NFRKB: variants seen among roughly 807,000 people sequenced by gnomAD.
The protein encoded by NFRKB is nuclear factor related to kappa-B-binding protein.
A neutral mutation model predicts 135.7 loss-of-function variants in NFRKB; 62 were observed. The observed-to-expected ratio is 0.46, with a 90% CI of 0.37 to 0.56. The LOEUF is 0.56. Ranked by LOEUF, NFRKB falls within the 20% of genes least tolerant of loss-of-function variation. NFRKB has a pLI of 0.00. For missense variants in NFRKB, 1,545 were observed against 1,662.0 expected (o/e 0.93, Z 1.22); for synonymous variants, 678 against 635.6 (o/e 1.07, Z -1.00).
intron 4 of NFRKB, chr11:129,888,294 A>ACC (rs1437485910): frequency 3.4e-6 from 2 of 596,572 alleles, no homozygotes. Context: ...TTTTTTAAAG[A>ACC]CCAGACATGA....
rs1949119966 is a variant in NFRKB, at chr11:129,883,337, G to C, written c.817-131C>G. 4 of 663,928 alleles carry C rather than the reference G, an allele frequency of 6.0e-6. No homozygotes were observed. The African/African-American group carries it at 7.2e-5, about 12-fold the overall frequency. The allele number at this position is 663,928 out of a possible 1,614,324, so 41.1% of individuals were successfully genotyped here. ...AATCACATTGAGTCAAAAATATAGA[G>C]AGATAAAACTATTCATTTTTTCCCT... On this transcript the variant is annotated intron_variant, in intron 8 of 26. Transcript: ENST00000682444.
intron 23 of NFRKB, among the ~76,000 whole-genome samples, chr11:129,872,275 T>C (rs1948548241): frequency 6.6e-6 from 1 of 151,984 alleles, no homozygotes; most frequent in South Asian, 2.1e-4. Context: ...TACCATTAAA[T>C]CTCCAATACT....
intron 3 of NFRKB, among the ~76,000 whole-genome samples, 169 bp downstream of exon 3, chr11:129,892,546 T>C (rs1220801784): frequency 2.6e-5 from 4 of 152,134 alleles, no homozygotes; most frequent in Non-Finnish European, 4.4e-5. Flanking sequence ...AATCGGATAT[T>C]AAATAGACTC....
In NFRKB at chr11:129,883,141, G is replaced by A. The variant is rs1949110342; in HGVS notation, c.882C>T (p.Gly294=). The change falls in exon 9 of 27, where the codon GGC becomes GGT. Residue 294 remains glycine, a synonymous_variant. Coordinates refer to ENST00000682444, the MANE Select transcript of NFRKB (RefSeq NM_001143835.2). ...ATTTACCTGCCAGAGAGCCCTTCCT[G>A]CCAGCATTTACTCGAGTCATGATGT... ...LNDIMTRVNA[G]RKGSLAALYD... is the part of the protein sequence containing the mutation. 4 of 1,614,056 alleles carry A rather than the reference G, an allele frequency of 2.5e-6. No homozygotes were observed. The South Asian group carries it at 3.3e-5, about 13-fold the overall frequency.
chr11:129,892,831 T>G lies in NFRKB; in HGVS notation c.19A>C (p.Met7Leu). Residue 7 changes from methionine (M) to leucine (L), a missense_variant, in exon 3 of 27, where the codon ATG becomes CTG. Met to Leu is a conservative substitution (Grantham distance 15, BLOSUM62 2). This residue lies in a region of NFRKB where 678 missense variants were observed against 646.7 expected (regional missense o/e 1.05). Coordinates refer to ENST00000682444, the MANE Select transcript of NFRKB (RefSeq NM_001143835.2). ...CCAAGTTCCAGAGGATCTGTCAGCATATGGTCTAAGGAATCCATTGTTTCT... is the reference window on the plus strand; with the variant it reads ...CCAAGTTCCAGAGGATCTGTCAGCAGATGGTCTAAGGAATCCATTGTTTCT... MDSLDH[M>L]LTDPLELGPC... 1 of 1,614,202 alleles carries G rather than the reference T, an allele frequency of 6.2e-7. No homozygotes were observed. Among genetic ancestry groups the G allele is most frequent in the Admixed American group, 1.7e-5 (1 of 60,022 alleles).
At chr11:129,884,029 C>A (rs760448054) in intron 8 of NFRKB, 41 bp downstream of exon 8, 7 of 1,605,212 alleles carry the variant, frequency 4.4e-6, no homozygotes, top group Non-Finnish European at 6.0e-6. Context: ...CCTGAGACAT[C>A]AGGCTGAAAA....
intron 4 of NFRKB, among the ~76,000 whole-genome samples, chr11:129,888,028 C>G (rs1949363358): frequency 6.7e-6 from 1 of 148,830 alleles, no homozygotes; most frequent in Admixed American, 6.6e-5. Context: ...CACAGCGAGA[C>G]TCTGTCCCAA....
rs1474523341 is a variant in NFRKB, at chr11:129,867,569, G to A, written c.3532-1586C>T. 4.6e-5 allele frequency among the ~76,000 whole-genome samples: 7 copies of A among 152,100 alleles called. No individual in the cohort carries two copies. The East Asian group carries it at 1.4e-3, about 29-fold the overall frequency. Reference sequence around the variant, plus strand: ...TGACCTCAGGTGATCTGCCCACCTCGGCCTCCCAAAGTGCTGGGATTACAG... The same window carrying A: ...TGACCTCAGGTGATCTGCCCACCTCAGCCTCCCAAAGTGCTGGGATTACAG... On this transcript the variant is annotated intron_variant, in intron 24 of 26. Coordinates refer to ENST00000682444, the MANE Select transcript of NFRKB (RefSeq NM_001143835.2).
rs1451651929 is a variant in NFRKB at position 129,894,370 on chromosome 11, T to C, written c.-33A>G. ...TCCACAAATCTTACCACGCCAGGTG[T>C]CAATTTCCTTATTTGAGGAAGGGAA... On this transcript the variant is annotated 5_prime_UTR_variant, in exon 2 of 27. Coordinates refer to ENST00000682444, the MANE Select transcript of NFRKB (RefSeq NM_001143835.2). 6.6e-6 allele frequency: 1 copy of C among 152,236 alleles called. No homozygotes were observed. Among genetic ancestry groups the C allele is most frequent in the Non-Finnish European group, 1.5e-5 (1 of 68,054 alleles). The allele number at this position is 152,236 out of a possible 1,614,324, so 9.4% of individuals were successfully genotyped here.
At chr11:129,884,685 G>A in intron 7 of NFRKB, 60 bp downstream of exon 7, 1 of 1,592,162 alleles carries the variant, frequency 6.3e-7, no homozygotes, top group Non-Finnish European at 8.6e-7. Flanking sequence ...CCCTCTAAAG[G>A]AGTTTTCAGG....
rs1410686682 is a variant in NFRKB, at chr11:129,882,307, A to G, written c.1083-113T>C. On this transcript the variant is annotated intron_variant, in intron 10 of 26. Transcript: ENST00000682444. ...AAAAGAGTTCAAGAAAGGAGCAAAC[A>G]ATATATTTTCCCAGCAGTATCCCTG... The G allele has an allele frequency of 3.7e-6, 5 of 1,341,186 alleles. No homozygotes were observed. The East Asian group carries it at 1.2e-4, about 31-fold the overall frequency. 83.1% of individuals were successfully genotyped at this position (1,341,186 alleles called of 1,614,324 possible).
At chr11:129,882,312 A>G in intron 10 of NFRKB, 118 bp from the exon 11 acceptor site, 2 of 1,345,638 alleles carry the variant, frequency 1.5e-6, no homozygotes, top group South Asian at 1.4e-5. Context: ...CAAACAATAT[A>G]TTTTCCCAGC....
intron 4 of NFRKB, among the ~76,000 whole-genome samples, chr11:129,887,049 A>T (rs540042498): frequency 2.0e-5 from 3 of 152,196 alleles, no homozygotes; most frequent in Non-Finnish European, 4.4e-5. Context: ...GCAGCTGTCA[A>T]GTTGTCAAGT....
chr11:129,881,780 T>C lies in NFRKB; in HGVS notation c.1265A>G (p.Asn422Ser), dbSNP rs757532262. The change falls in exon 12 of 27, where the codon AAC (asparagine) becomes AGC (serine). Residue 422 changes from asparagine to serine, a missense_variant. By Grantham distance (46) the Asn-to-Ser change is conservative. Around this residue, in one of 3 missense-constraint regions of NFRKB, gnomAD observed 678 missense variants for 646.7 expected, o/e 1.05. Transcript: ENST00000682444. Reference protein sequence around the residue: ...SLNSWFSAAPNWAELVLPALQ... With the variant: ...SLNSWFSAAPSWAELVLPALQ... The stretch of plus-strand genomic sequence containing the variant: ...GGCTGGTAGTACCAACTCAGCCCAG[T>C]TGGGGGCCGCAGAGAACCAGCTGTT... The C allele has an allele frequency of 1.1e-5, 17 of 1,613,914 alleles. No homozygotes were observed. Among genetic ancestry groups the C allele is most frequent in the African/African-American group, 8.0e-5 (6 of 74,904 alleles).
chr11:129,878,444 T>C lies in NFRKB; in HGVS notation c.1464+20A>G. On this transcript the variant is annotated intron_variant, in intron 14 of 26. Coordinates refer to ENST00000682444, the MANE Select transcript of NFRKB (RefSeq NM_001143835.2). ...TGGAAACCCAGTGAGAAGGATCTGG[T>C]ATTTCTTAAAAAAACATACCTTACA... is the stretch of plus-strand genomic sequence containing the variant. 1 of 1,613,310 alleles carries C rather than the reference T, an allele frequency of 6.2e-7. No individual in the cohort carries two copies. Among genetic ancestry groups the C allele is most frequent in the Non-Finnish European group, 8.5e-7 (1 of 1,179,340 alleles).
At position 129,870,076 on chromosome 11, in the gene NFRKB, G is replaced by T. The variant is rs780917838; in HGVS notation, c.2949C>A (p.Ser983=). 1.2e-6 allele frequency: 2 copies of T among 1,614,266 alleles called. No individual in the cohort carries two copies. Among genetic ancestry groups the T allele is most frequent in the East Asian group, 2.2e-5 (1 of 44,886 alleles). ...TPDMMATLAK[S]QVTTVKLTQD... ...GGGTCAATTTGACTGTGGTAACCTG[G>T]GACTTGGCCAATGTGGCCATCATGT... The change falls in exon 24 of 27, where the codon TCC becomes TCA. Residue 983 remains serine, a synonymous_variant. Coordinates refer to ENST00000682444, the MANE Select transcript of NFRKB (RefSeq NM_001143835.2).
chr11:129,882,567 TTTCTTC>T lies in NFRKB; in HGVS notation c.960_965del (p.Lys321_Lys322del). ...CTGCCTCTGATTTGATCGTTTTTAT[TTTCTTC>T]TTCTTCTTTTCCTCTTTTTCCTTAA... On this transcript the variant is annotated inframe_deletion, in exon 10 of 27. Coordinates refer to ENST00000682444, the MANE Select transcript of NFRKB (RefSeq NM_001143835.2). 6.2e-7 allele frequency: 1 copy of T among 1,614,122 alleles called. No homozygotes were observed. Among genetic ancestry groups the T allele is most frequent in the Non-Finnish European group, 8.5e-7 (1 of 1,180,008 alleles).
chr11:129,893,215 C>A, intron 2 of NFRKB: 1 of 622,466 alleles, frequency 1.6e-6, no homozygotes. Context: ...AATAATCACT[C>A]TCCCACAATG....
chr11:129,869,706 C>T lies in NFRKB; in HGVS notation c.3319G>A (p.Val1107Ile), dbSNP rs768591259. 1.1e-5 allele frequency: 18 copies of T among 1,614,110 alleles called. No homozygotes were observed. Among genetic ancestry groups the T allele is most frequent in the Admixed American group, 8.3e-5 (5 of 60,012 alleles). ...MPPKAGQTIT[V>I]ATHAKQGASV... ...GCCCCTTGCTTGGCGTGGGTTGCAA[C>T]GGTGATGGTCTGGCCTGCTTTGGGA... Residue 1107 changes from valine to isoleucine, a missense_variant, in exon 24 of 27, where the codon GTT (valine) becomes ATT (isoleucine). Transcript: ENST00000682444.
Sources: allele counts gnomAD v4.1 joint callset (sites outside exome capture counted in the v4.1 genomes callset), GRCh38; gene constraint gnomAD v4.1.1; regional missense constraint gnomAD v4.1.1; transcripts MANE v1.5; gene names NCBI Gene and HGNC (gene_info 2026-07-23, HGNC 2026-07-21).